The following SLBP variants were observed in gnomAD, a reference collection of about 807,000 sequenced individuals.
SLBP encodes the protein stem-loop histone mRNA binding protein.
Under a neutral mutation model 39.2 loss-of-function variants are expected in SLBP, and 29 were observed. The observed-to-expected ratio is 0.74, with a 90% CI of 0.55 to 1.01. The LOEUF is 1.01. Ranked by LOEUF, SLBP falls within the 50% of genes least tolerant of loss-of-function variation. The pLI, the probability that SLBP is intolerant of heterozygous loss-of-function variation, is 0.00. For synonymous variants in SLBP, 129 were observed against 118.7 expected (o/e 1.09, Z -0.57); for missense variants, 390 against 350.2 (o/e 1.11, Z -0.91).
At chr4:1,695,464 G>A (rs1716071649) in intron 6 of SLBP, among the ~76,000 whole-genome samples, 1 of 152,146 alleles carries the variant, frequency 6.6e-6, no homozygotes, top group Non-Finnish European at 1.5e-5. Flanking sequence ...CCATGATGCA[G>A]CAAAAGTTCA....
intron 2 of SLBP, among the ~76,000 whole-genome samples, chr4:1,709,902 C>T (rs1228081968): frequency 6.6e-6 from 1 of 152,216 alleles, no homozygotes; most frequent in Non-Finnish European, 1.5e-5. Context: ...GCCACCGCGC[C>T]CGGCCTACTT....
rs1263365204 is a variant in SLBP at position 1,712,299 on chromosome 4, G to T, written c.-111C>A. On this transcript the variant is annotated 5_prime_UTR_variant, in exon 1 of 8. Coordinates refer to ENST00000489418, the MANE Select transcript of SLBP (RefSeq NM_006527.4). Reference sequence around the variant, plus strand: ...GCCTGAGGCAGAAACCCGCGTCCCCGCGCCGGCGCTCACGAGCTCTGCGCG... The same window carrying T: ...GCCTGAGGCAGAAACCCGCGTCCCCTCGCCGGCGCTCACGAGCTCTGCGCG... 3.1e-6 allele frequency: 2 copies of T among 641,462 alleles called. No homozygotes were observed. Among genetic ancestry groups the T allele is most frequent in the Non-Finnish European group, 4.6e-6 (2 of 436,662 alleles). 39.7% of individuals were successfully genotyped at this position (641,462 alleles called of 1,614,324 possible). A position where few individuals can be genotyped will look rare whatever the true frequency, so the allele number is the denominator to read the frequency against.
chr4:1,694,718 G>T, intron 7 of SLBP, 56 bp downstream of exon 7: 1 of 1,246,142 alleles, frequency 8.0e-7, no homozygotes, highest in Non-Finnish European at 1.2e-6. Context: ...GGCAGCATGT[G>T]TTATTAACAA....
intron 1 of SLBP, 64 bp downstream of exon 1, chr4:1,712,066 G>A (rs983311978): frequency 6.5e-6 from 8 of 1,233,566 alleles, no homozygotes; most frequent in African/African-American, 3.1e-5. Context: ...CCACACCCCG[G>A]CCCCGCACAA....
At position 1,712,246 on chromosome 4, in the gene SLBP, C is replaced by A; in HGVS notation, c.-58G>T. 9.3e-7 allele frequency: 1 copy of A among 1,071,622 alleles called. No individual in the cohort carries two copies. Among genetic ancestry groups the A allele is most frequent in the South Asian group, 2.4e-5 (1 of 41,754 alleles). The allele number at this position is 1,071,622 out of a possible 1,614,324, so 66.4% of individuals were successfully genotyped here. A position where few individuals can be genotyped will look rare whatever the true frequency, so the allele number is the denominator to read the frequency against. On this transcript the variant is annotated 5_prime_UTR_variant, in exon 1 of 8. Transcript: ENST00000489418. ...GAGGCTGAGGCGGCGGCGGCGCGGG[C>A]AGAGAGCGCAGAGTAGAGCAGGGCA...
intron 6 of SLBP, among the ~76,000 whole-genome samples, chr4:1,695,898 G>C (rs1002043271): frequency 9.2e-5 from 14 of 152,088 alleles, no homozygotes; most frequent in African/African-American, 3.4e-4. Flanking sequence ...ACAAATTCCA[G>C]AGATTATTGT....
In SLBP at chr4:1,712,211, G is replaced by A. The variant is rs1181882198; in HGVS notation, c.-23C>T. 2 of 1,257,576 alleles carry A rather than the reference G, an allele frequency of 1.6e-6. No individual in the cohort carries two copies. Among genetic ancestry groups the A allele is most frequent in the Non-Finnish European group, 2.0e-6 (2 of 1,000,218 alleles). 77.9% of individuals were successfully genotyped at this position (1,257,576 alleles called of 1,614,324 possible). On this transcript the variant is annotated 5_prime_UTR_variant, in exon 1 of 8. Coordinates refer to ENST00000489418, the MANE Select transcript of SLBP (RefSeq NM_006527.4). Reference sequence around the variant, plus strand: ...CATGGCAGCACGGGCCGGGCGCGCAGCGCAGGGCCGAGGCTGAGGCGGCGG... The same window carrying A: ...CATGGCAGCACGGGCCGGGCGCGCAACGCAGGGCCGAGGCTGAGGCGGCGG...
At chr4:1,698,205 C>T (rs1303188200) in intron 5 of SLBP, among the ~76,000 whole-genome samples, 5 of 151,222 alleles carry the variant, frequency 3.3e-5, no homozygotes, top group African/African-American at 9.7e-5. Flanking sequence ...ACTGAAAATA[C>T]GAAAATTAAC....
At chr4:1,710,051 G>A (rs1017071108) in intron 2 of SLBP, among the ~76,000 whole-genome samples, 4 of 152,088 alleles carry the variant, frequency 2.6e-5, no homozygotes, top group African/African-American at 9.7e-5. Context: ...TAAGTGTCGA[G>A]GCTGGTCCCC....
Position 1,696,647 on chromosome 4 carries a change from T to C in SLBP, c.480-296A>G, listed in dbSNP as rs961269505. 1.4e-4 allele frequency among the ~76,000 whole-genome samples: 21 copies of C among 152,122 alleles called. No individual in the cohort carries two copies. In the East Asian group the frequency reaches 4.1e-3, roughly 30 times the overall value. On this transcript the variant is annotated intron_variant, in intron 5 of 7. Transcript: ENST00000489418. ...GAGCGGTGGCTCACACCTATAATCC[T>C]AGCATTTTGGGAGGCCAAGGTGGGT...
chr4:1,710,706 G>T (rs976654318), intron 2 of SLBP, among the ~76,000 whole-genome samples: 1 of 152,040 alleles, frequency 6.6e-6, no homozygotes, highest in Admixed American at 6.6e-5. Flanking sequence ...GTTCACCCGT[G>T]GAGATATTTA....
chr4:1,712,110 G>A lies in SLBP; in HGVS notation c.59+20C>T, dbSNP rs1236823895. On this transcript the variant is annotated intron_variant, in intron 1 of 7. Coordinates refer to ENST00000489418, the MANE Select transcript of SLBP (RefSeq NM_006527.4). ...CCACGGGGCACGCGCTCCCTCGCCC[G>A]CCGCGCAGCCCGGCCTCACCTGGCG... 5 of 1,226,200 alleles carry A rather than the reference G, an allele frequency of 4.1e-6. No individual in the cohort carries two copies. Among genetic ancestry groups the A allele is most frequent in the Non-Finnish European group, 1.0e-6 (1 of 984,568 alleles). 76.0% of individuals were successfully genotyped at this position (1,226,200 alleles called of 1,614,324 possible).
At position 1,700,074 on chromosome 4, in the gene SLBP, A is replaced by G; in HGVS notation, c.282-4T>C. On this transcript the variant is annotated splice_region_variant and splice_polypyrimidine_tract_variant and intron_variant, in intron 3 of 7. Transcript: ENST00000489418. The stretch of plus-strand genomic sequence containing the variant: ...GATGAGGAGTTTCCTTTTATATCTG[A>G]GGGCAAAATAAATATTGCTGTTTTT... 1.3e-6 allele frequency: 2 copies of G among 1,582,680 alleles called. No individual in the cohort carries two copies. The highest frequency in any genetic ancestry group is 1.7e-6 in the Non-Finnish European group (2 of 1,156,432).
At chr4:1,701,243 C>T (rs1716317121) in intron 3 of SLBP, among the ~76,000 whole-genome samples, 2 of 147,134 alleles carry the variant, frequency 1.4e-5, no homozygotes, top group African/African-American at 2.5e-5. Context: ...CCTCCCGGGT[C>T]CAAGCGATTC....
At chr4:1,701,262 C>T (rs1192280138) in intron 3 of SLBP, among the ~76,000 whole-genome samples, 1 of 151,436 alleles carries the variant, frequency 6.6e-6, no homozygotes, top group Non-Finnish European at 1.5e-5. Context: ...TCTCCTGCCT[C>T]AGCCTCCTGA....
At chr4:1,708,996 G>A (rs1446986285) in intron 2 of SLBP, among the ~76,000 whole-genome samples, 4 of 151,770 alleles carry the variant, frequency 2.6e-5, no homozygotes, top group Admixed American at 6.6e-5. Flanking sequence ...TCTCAATAAG[G>A]TTTGTTTACC....
intron 4 of SLBP, 65 bp downstream of exon 4, chr4:1,699,946 A>ATT (rs113961373): frequency 1.0e-4 from 96 of 937,140 alleles, no homozygotes; most frequent in African/African-American, 1.4e-4. Flanking sequence ...GACAGTCACA[A>ATT]TTTTTTTTTT....
intron 2 of SLBP, among the ~76,000 whole-genome samples, chr4:1,704,485 G>A (rs984634897): frequency 1.3e-5 from 2 of 152,152 alleles, no homozygotes; most frequent in African/African-American, 4.8e-5. Flanking sequence ...AATGTTGACA[G>A]GATTGTGACA....
intron 5 of SLBP, among the ~76,000 whole-genome samples, chr4:1,697,975 A>C (rs77618791): frequency 0.017 from 2,538 of 151,954 alleles, 66 homozygotes; most frequent in African/African-American, 0.058. Context: ...AAAATTTAAA[A>C]GTTTAGCCAG....
Sources: allele counts gnomAD v4.1 joint callset (sites outside exome capture counted in the v4.1 genomes callset), GRCh38; gene constraint gnomAD v4.1.1; transcripts MANE v1.5; gene names NCBI Gene and HGNC (gene_info 2026-07-23, HGNC 2026-07-21).